SIM1: variants seen among roughly 807,000 people sequenced by gnomAD.
The protein encoded by SIM1 is single-minded homolog 1.
Under a neutral mutation model 78.2 loss-of-function variants are expected in SIM1, and 18 were observed. That is an observed-to-expected ratio of 0.23 (90% CI 0.16 to 0.34). The LOEUF (loss-of-function observed/expected upper bound fraction) is 0.34, where lower values mean the gene tolerates loss of function less well. Ranked by LOEUF, SIM1 falls within the 10% of genes least tolerant of loss-of-function variation. The probability of loss-of-function intolerance (pLI) is 1.00; values close to 1 mark genes in which losing one functional copy is unlikely to be tolerated. For missense variants in SIM1, 939 were observed against 975.1 expected, an observed-to-expected ratio of 0.96 and a Z score of 0.49; for synonymous variants, 417 against 385.2, an observed-to-expected ratio of 1.08 and a Z score of -0.97.
chr6:100,406,426 GT>G (rs1771052033), intron 10 of SIM1, among the ~76,000 whole-genome samples: 1 of 152,138 alleles, frequency 6.6e-6, no homozygotes, highest in Admixed American at 6.5e-5. Flanking sequence ...TGCCCAAGCT[GT>G]TCTTGGGAGT....
chr6:100,449,244 C>T (rs777727284), intron 6 of SIM1, 119 bp downstream of exon 6: 91 of 781,872 alleles, frequency 1.2e-4, no homozygotes, highest in Middle Eastern at 3.6e-4. Context: ...GGCTCTTCGA[C>T]GCAAGCTGGG....
intron 9 of SIM1, among the ~76,000 whole-genome samples, chr6:100,425,552 A>T (rs2085675451): frequency 6.6e-6 from 1 of 152,208 alleles, no homozygotes; most frequent in Non-Finnish European, 1.5e-5. Flanking sequence ...GCCATTTCAA[A>T]TACGGTTGAT....
intron 9 of SIM1, among the ~76,000 whole-genome samples, chr6:100,446,731 T>C (rs1772365420): frequency 6.6e-6 from 1 of 152,216 alleles, no homozygotes; most frequent in Non-Finnish European, 1.5e-5. Flanking sequence ...TGCAGCGTTC[T>C]CTTGGGTCCC....
intron 2 of SIM1, among the ~76,000 whole-genome samples, chr6:100,458,679 T>A (rs1224575022): frequency 2.6e-5 from 4 of 152,116 alleles, no homozygotes; most frequent in African/African-American, 9.7e-5. Context: ...CGCGCAGACC[T>A]GGCTGACTGC....
At position 100,402,190 on chromosome 6, in the gene SIM1, A is replaced by T. The variant is rs535670725; in HGVS notation, c.1168-8301T>A. Among the ~76,000 whole-genome samples, 15 of 152,370 alleles carry T rather than the reference A, an allele frequency of 9.8e-5. No individual in the cohort carries two copies. The South Asian group carries it at 3.1e-3, about 32-fold the overall frequency. On this transcript the variant is annotated intron_variant, in intron 10 of 11. Coordinates refer to ENST00000369208, the MANE Select transcript of SIM1 (RefSeq NM_005068.3). ...ACTTAGGTAAACAGAAATGGTTACC[A>T]TCTTGTAAAAATTATTTTCTGCTGT...
At chr6:100,402,475 G>A (rs1406250417) in intron 10 of SIM1, among the ~76,000 whole-genome samples, 1 of 151,908 alleles carries the variant, frequency 6.6e-6, no homozygotes, top group Non-Finnish European at 1.5e-5. Flanking sequence ...GAGTGGCGAG[G>A]AGGGAGAATC....
At chr6:100,440,046 A>C (rs1772167476) in intron 9 of SIM1, among the ~76,000 whole-genome samples, 1 of 152,226 alleles carries the variant, frequency 6.6e-6, no homozygotes, top group South Asian at 2.1e-4. Flanking sequence ...AGTCAAGTTA[A>C]GGAGAAAACA....
At position 100,430,716 on chromosome 6, in the gene SIM1, A is replaced by G. The variant is rs183278643; in HGVS notation, c.999-9758T>C. 3.1e-3 allele frequency among the ~76,000 whole-genome samples: 468 copies of G among 152,160 alleles called. 4 individuals carry two copies. The highest frequency in any genetic ancestry group is 0.011 in the African/African-American group (458 of 41,484). ...CTTTAAAAGTCTTCCAATACCTAAG[A>G]AAGATAAGTAATGGAGGATCCCATT... On this transcript the variant is annotated intron_variant, in intron 9 of 11. Coordinates refer to ENST00000369208, the MANE Select transcript of SIM1 (RefSeq NM_005068.3).
chr6:100,446,383 A>G (rs1772355252), intron 9 of SIM1, among the ~76,000 whole-genome samples: 1 of 152,198 alleles, frequency 6.6e-6, no homozygotes, highest in South Asian at 2.1e-4. Context: ...GAGATCCCCT[A>G]AAATCACAAG....
chr6:100,458,024 C>CTT (rs1772726165), intron 2 of SIM1, among the ~76,000 whole-genome samples: 3 of 28,794 alleles, frequency 1.0e-4, no homozygotes, highest in Admixed American at 4.9e-4. Context: ...CTCTCTCTCT[C>CTT]TCTCTCTCTC....
In SIM1 at chr6:100,412,555, A is replaced by AAAGAAAGAAAG. The variant is rs1281547759; in HGVS notation, c.1167+8234_1167+8235insCTTTCTTTCTT. ...CTGTCTAAGAAAGAAAGAAAGAAAG[A>AAAGAAAGAAAG]AAAGAAAGAAAGAAAGAAAGAAAGA... On this transcript the variant is annotated intron_variant, in intron 10 of 11. Coordinates refer to ENST00000369208, the MANE Select transcript of SIM1 (RefSeq NM_005068.3). Among the ~76,000 whole-genome samples, 485 of 64,482 alleles carry AAAGAAAGAAAG rather than the reference A, an allele frequency of 7.5e-3. 49 individuals are homozygous for AAAGAAAGAAAG. Among genetic ancestry groups the AAAGAAAGAAAG allele is most frequent in the East Asian group, 0.015 (15 of 1,028 alleles). The allele number at this position is 64,482 out of a possible 152,430, so 42.3% of individuals were successfully genotyped here. A position where few individuals can be genotyped will look rare whatever the true frequency, so the allele number is the denominator to read the frequency against.
intron 2 of SIM1, among the ~76,000 whole-genome samples, chr6:100,454,061 A>G (rs1772584634): frequency 6.6e-6 from 1 of 152,158 alleles, no homozygotes; most frequent in Admixed American, 6.5e-5. Context: ...CTAAACTAAA[A>G]CTGGTTTCTC....
chr6:100,456,769 A>G (rs1739294199), intron 2 of SIM1, among the ~76,000 whole-genome samples: 2 of 152,144 alleles, frequency 1.3e-5, no homozygotes, highest in Non-Finnish European at 2.9e-5. Flanking sequence ...GCTAGCTCAC[A>G]TTTCCTGTGA....
At chr6:100,426,380 A>G (rs1771730872) in intron 9 of SIM1, among the ~76,000 whole-genome samples, 1 of 152,222 alleles carries the variant, frequency 6.6e-6, no homozygotes, top group African/African-American at 2.4e-5. Flanking sequence ...AAATTCCAAT[A>G]GAGAAAATGG....
chr6:100,453,889 G>A (rs750060251), intron 2 of SIM1, 45 bp from the exon 3 acceptor site: 26 of 1,493,862 alleles, frequency 1.7e-5, no homozygotes, highest in Admixed American at 1.3e-4. Context: ...ACCCGGACCT[G>A]ACAGGCAGTT....
At chr6:100,447,189 C>A in intron 9 of SIM1, 79 bp downstream of exon 9, 4 of 1,526,406 alleles carry the variant, frequency 2.6e-6, no homozygotes, top group Non-Finnish European at 3.6e-6. Flanking sequence ...CTTGTCTAAC[C>A]CGGCCGTGCC....
At chr6:100,444,592 C>T (rs1255278310) in intron 9 of SIM1, among the ~76,000 whole-genome samples, 1 of 152,074 alleles carries the variant, frequency 6.6e-6, no homozygotes, top group Non-Finnish European at 1.5e-5. Context: ...ATTTTCAGAA[C>T]ATATGGTGGG....
At chr6:100,459,461 A>T (rs989491987) in intron 2 of SIM1, among the ~76,000 whole-genome samples, 1 of 152,202 alleles carries the variant, frequency 6.6e-6, no homozygotes, top group Non-Finnish European at 1.5e-5. Flanking sequence ...GAAAATAAAC[A>T]TGGAAACCTA....
Position 100,385,145 on chromosome 6 carries a change from A to T in SIM1, c.*5216T>A, listed in dbSNP as rs576661242. The T allele has an allele frequency of 1.5e-4, 23 of 152,160 alleles. No individual in the cohort carries two copies. Among genetic ancestry groups the T allele is most frequent in the Non-Finnish European group, 2.9e-4 (20 of 67,934 alleles). 9.4% of individuals were successfully genotyped at this position (152,160 alleles called of 1,614,324 possible). A position where few individuals can be genotyped will look rare whatever the true frequency, so the allele number is the denominator to read the frequency against. On this transcript the variant is annotated 3_prime_UTR_variant, in exon 12 of 12. Coordinates refer to ENST00000369208, the MANE Select transcript of SIM1 (RefSeq NM_005068.3). ...TAATTATAAATGGGAACACTTTGCA[A>T]GATATCATTGACATAGCTAATATTT...
Sources: gnomAD v4.1 joint callset for allele counts (sites outside exome capture counted in the v4.1 genomes callset) on GRCh38, gnomAD v4.1.1 for gene constraint, MANE v1.5 for transcripts, NCBI Gene and HGNC (gene_info 2026-07-23, HGNC 2026-07-21) for gene names.